Variants in KAT8 observed in about 807,000 individuals in gnomAD.
The protein encoded by KAT8 is histone acetyltransferase KAT8.
Under a neutral mutation model 62.9 loss-of-function variants are expected in KAT8, and 40 were observed. That is an observed-to-expected ratio of 0.64 (90% confidence interval 0.49 to 0.83). The LOEUF is 0.83. KAT8 is among the 40% of genes least tolerant of loss of function. The probability of loss-of-function intolerance (pLI) is 0.00; values close to 1 mark genes in which losing one functional copy is unlikely to be tolerated. For synonymous variants in KAT8, 278 were observed against 254.5 expected, an observed-to-expected ratio of 1.09 and a Z score of -0.88; for missense variants, 387 against 614.8, an observed-to-expected ratio of 0.63 and a Z score of 3.92.
At position 31,130,008 on chromosome 16, in the gene KAT8, C is replaced by CA; in HGVS notation, c.772-7dup. 6.2e-7 allele frequency: 1 copy of CA among 1,614,114 alleles called. No homozygotes were observed. Among genetic ancestry groups the CA allele is most frequent in the South Asian group, 1.1e-5 (1 of 91,078 alleles). On this transcript the variant is annotated splice_polypyrimidine_tract_variant and intron_variant, in intron 6 of 10. Coordinates refer to ENST00000219797, the MANE Select transcript of KAT8 (RefSeq NM_032188.3). ...CCCCTGAGCCTGTCTCCCCCCTCCT[C>CA]AACCCTAGATTTACTGTCAGAACCT...
intron 3 of KAT8, among the ~76,000 whole-genome samples, chr16:31,121,830 C>T (rs906249470): frequency 6.6e-5 from 10 of 151,876 alleles, no homozygotes; most frequent in African/African-American, 2.4e-4. Context: ...TGGCTCACTT[C>T]AGCCTCAACC....
rs1596818075 is a variant in KAT8, at chr16:31,120,688, A to C, written c.462+174A>C. On this transcript the variant is annotated intron_variant, in intron 3 of 10. Coordinates refer to ENST00000219797, the MANE Select transcript of KAT8 (RefSeq NM_032188.3). ...TTACTTTTCATAGGTAAGAAAACAG[A>C]CAGAGGGTAAGGGCTTCGCTGCAGT... 7 of 629,280 alleles carry C rather than the reference A, an allele frequency of 1.1e-5. No homozygotes were observed. The East Asian group carries it at 2.0e-4, about 18-fold the overall frequency. 39.0% of individuals were successfully genotyped at this position (629,280 alleles called of 1,614,324 possible).
Position 31,117,856 on chromosome 16 carries a change from G to A in KAT8, c.175G>A (p.Glu59Lys). ...GCCGGAAGTCACGGTGGAGATCGGA[G>A]AAACGTACCTGTGCCGGCGACCGGA... ...GEPEVTVEIG[E>K]TYLCRRPDST... The change falls in exon 1 of 11, where the codon GAA becomes AAA. Residue 59 changes from glutamate (E) to lysine (K), a missense_variant. Physicochemically the swap from Glu to Lys is moderately conservative, Grantham distance 56. Transcript: ENST00000219797. The A allele has an allele frequency of 7.0e-7, 1 of 1,426,928 alleles. No individual in the cohort carries two copies. Among genetic ancestry groups the A allele is most frequent in the Non-Finnish European group, 9.2e-7 (1 of 1,081,240 alleles). 88.4% of individuals were successfully genotyped at this position (1,426,928 alleles called of 1,614,324 possible). A position where few individuals can be genotyped will look rare whatever the true frequency, so the allele number is the denominator to read the frequency against.
At chr16:31,120,636 T>C in intron 3 of KAT8, 122 bp downstream of exon 3, 1 of 894,530 alleles carries the variant, frequency 1.1e-6, no homozygotes, top group Non-Finnish European at 1.7e-6. Context: ...CTGTAGTGTG[T>C]CAGGGACTTT....
At chr16:31,120,804 G>GA (rs1376796177) in intron 3 of KAT8, 2 of 342,304 alleles carry the variant, frequency 5.8e-6, no homozygotes, top group Non-Finnish European at 1.1e-5. Flanking sequence ...TGTCTTAGTA[G>GA]AAAAAATGAC....
intron 6 of KAT8, 67 bp downstream of exon 6, chr16:31,128,206 C>T: frequency 8.0e-7 from 1 of 1,254,924 alleles, no homozygotes; most frequent in Non-Finnish European, 1.2e-6. Context: ...TGATCCTCAT[C>T]ACCACCAAAG....
At position 31,127,302 on chromosome 16, in the gene KAT8, C is replaced by T. The variant is rs751797760; in HGVS notation, c.630C>T (p.Cys210=). ...GGAAACAGCCCAAGCTCTGGCTCTG[C>T]GAGTACTGCCTCAAGTACATGAAAT... The part of the protein sequence containing the change: ...DYGKQPKLWL[C]EYCLKYMKYE... The change falls in exon 5 of 11, where the codon TGC becomes TGT. Residue 210 remains cysteine, a synonymous_variant. Transcript: ENST00000219797. 4.3e-6 allele frequency: 7 copies of T among 1,614,230 alleles called. No individual in the cohort carries two copies. Among genetic ancestry groups the T allele is most frequent in the South Asian group, 3.3e-5 (3 of 91,088 alleles).
At chr16:31,120,112 C>A in intron 1 of KAT8, 74 bp from the exon 2 acceptor site, 1 of 1,263,816 alleles carries the variant, frequency 7.9e-7, no homozygotes, top group Non-Finnish European at 1.2e-6. Flanking sequence ...ACTCTGGAAA[C>A]TGCTTCTCAG....
chr16:31,130,446 C>T lies in KAT8; in HGVS notation c.1007-10C>T, dbSNP rs756521188. On this transcript the variant is annotated splice_polypyrimidine_tract_variant and intron_variant, in intron 8 of 10. Coordinates refer to ENST00000219797, the MANE Select transcript of KAT8 (RefSeq NM_032188.3). ...GCTGGATCCTAAGTTCCTCTTTCTA[C>T]TGCTGCCAGGTTATGAGCTCTCCAA... The T allele has an allele frequency of 1.2e-6, 2 of 1,614,130 alleles. No individual in the cohort carries two copies. Among genetic ancestry groups the T allele is most frequent in the South Asian group, 1.1e-5 (1 of 91,086 alleles).
intron 3 of KAT8, 122 bp from the exon 4 acceptor site, chr16:31,126,913 T>C: frequency 9.5e-7 from 1 of 1,052,396 alleles, no homozygotes; most frequent in South Asian, 1.4e-5. Flanking sequence ...ATTGGTGTGG[T>C]TATTATTGCC....
chr16:31,117,985 C>T, intron 1 of KAT8, 93 bp downstream of exon 1: 1 of 1,006,532 alleles, frequency 9.9e-7, no homozygotes, highest in Non-Finnish European at 1.3e-6. Context: ...AGGCCAAGAT[C>T]CGGGGGCTGG....
rs929917104 is a variant in KAT8 at position 31,131,244 on chromosome 16, G to A, written c.1362G>A (p.Lys454=). The A allele has an allele frequency of 6.2e-7, 1 of 1,614,198 alleles. No homozygotes were observed. Among genetic ancestry groups the A allele is most frequent in the Middle Eastern group, 1.7e-4 (1 of 6,060 alleles). The change falls in exon 11 of 11, where the codon AAG becomes AAA. Residue 454 remains lysine, a synonymous_variant. Coordinates refer to ENST00000219797, the MANE Select transcript of KAT8 (RefSeq NM_032188.3). ...CACCCCCCAAGCACAAGCAAGTCAA[G>A]CTCTCCAAGAAGTGAGCAGCCTGGC... ...KWAPPKHKQV[K]LSKK
In KAT8 at chr16:31,131,030, G is replaced by A. The variant is rs566045543; in HGVS notation, c.1312+130G>A. 1.4e-4 allele frequency: 211 copies of A among 1,505,632 alleles called. 1 individual carries two copies. In the South Asian group the frequency reaches 2.1e-3, roughly 15 times the overall value. 93.3% of individuals were successfully genotyped at this position (1,505,632 alleles called of 1,614,324 possible). On this transcript the variant is annotated intron_variant, in intron 10 of 10. Transcript: ENST00000219797. ...CAGACCAGCTCCCAGGATGGAGCCC[G>A]GGGCAGGCCTCTCATTCCTGGGCTT... is the stretch of plus-strand genomic sequence containing the variant.
At chr16:31,131,116 C>A in intron 10 of KAT8, 79 bp from the exon 11 acceptor site, 2 of 1,584,780 alleles carry the variant, frequency 1.3e-6, no homozygotes, top group South Asian at 2.3e-5. Context: ...TGAAACTGGC[C>A]TGAGCCCAGA....
At chr16:31,123,898 C>T (rs1308560140) in intron 3 of KAT8, 1 of 151,662 alleles carries the variant, frequency 6.6e-6, no homozygotes, top group African/African-American at 2.4e-5. Context: ...CTGTTTTGCA[C>T]TCAACAAAGA....
intron 3 of KAT8, among the ~76,000 whole-genome samples, chr16:31,123,517 C>A (rs142422441): frequency 0.011 from 1,640 of 147,662 alleles, 40 homozygotes; most frequent in African/African-American, 0.038. Context: ...CCAAAATTTT[C>A]ATTTTTTGAG....
chr16:31,124,829 A>G (rs574067904), intron 3 of KAT8, among the ~76,000 whole-genome samples: 1 of 151,206 alleles, frequency 6.6e-6, no homozygotes, highest in South Asian at 2.1e-4. Flanking sequence ...GAAGTTCAAG[A>G]CCAGCCTGGC....
At position 31,130,880 on chromosome 16, in the gene KAT8, A is replaced by G; in HGVS notation, c.1292A>G (p.Tyr431Cys). 6.2e-7 allele frequency: 1 copy of G among 1,612,552 alleles called. No homozygotes were observed. Among genetic ancestry groups the G allele is most frequent in the Non-Finnish European group, 8.5e-7 (1 of 1,179,886 alleles). ...GAGGAGCACCTCAAAAGTGCCCAGT[A>G]TAAGAAACCACCCATCACAGGTGGG... ...LVEEHLKSAQ[Y>C]KKPPITVDSV... Residue 431 changes from tyrosine to cysteine, a missense_variant, in exon 10 of 11, where the codon TAT becomes TGT. By Grantham distance (194) the Tyr-to-Cys change is radical. Coordinates refer to ENST00000219797, the MANE Select transcript of KAT8 (RefSeq NM_032188.3).
At chr16:31,124,745 A>AAAAAAAAAAG (rs2057521567) in intron 3 of KAT8, among the ~76,000 whole-genome samples, 1 of 141,692 alleles carries the variant, frequency 7.1e-6, no homozygotes. Flanking sequence ...AAAAAAAAAA[A>AAAAAAAAAAG]AAAAAAGGCT....
Sources: gnomAD v4.1 joint callset for allele counts (sites outside exome capture counted in the v4.1 genomes callset) on GRCh38, gnomAD v4.1.1 for gene constraint, MANE v1.5 for transcripts, NCBI Gene and HGNC (gene_info 2026-07-23, HGNC 2026-07-21) for gene names.